CSGALNACT1: variants seen among roughly 807,000 people sequenced by gnomAD.
CSGALNACT1 encodes beta4GalNAcT-1.
In CSGALNACT1, 52 loss-of-function variants were observed where a neutral mutation model predicts 51.0. That is an observed-to-expected ratio of 1.02 (90% CI 0.82 to 1.29). The LOEUF (loss-of-function observed/expected upper bound fraction) is 1.29, where lower values mean the gene tolerates loss of function less well. Ranked by LOEUF, CSGALNACT1 falls within the 50% of genes most tolerant of loss-of-function variation. The pLI is 0.00. For synonymous variants in CSGALNACT1, 341 were observed against 254.4 expected (o/e 1.34, Z -3.24); for missense variants, 935 against 679.2 (o/e 1.38, Z -4.19).
chr8:19,522,732 T>C (rs1323065563), intron 3 of CSGALNACT1, among the ~76,000 whole-genome samples: 1 of 152,176 alleles, frequency 6.6e-6, no homozygotes, highest in Non-Finnish European at 1.5e-5. Context: ...GGGAGAAATC[T>C]CAAAACCTCC....
At chr8:19,548,368 A>G (rs776508446) in intron 3 of CSGALNACT1, among the ~76,000 whole-genome samples, 14 of 152,240 alleles carry the variant, frequency 9.2e-5, no homozygotes, top group African/African-American at 3.1e-4. Flanking sequence ...CAAACCAACC[A>G]TGACTCTAAA....
chr8:19,428,822 GAT>G (rs201258166), intron 6 of CSGALNACT1, among the ~76,000 whole-genome samples: 16 of 59,966 alleles, frequency 2.7e-4, no homozygotes, highest in Non-Finnish European at 3.3e-4. Context: ...CATAAGACAT[GAT>G]ATGTGTGTGT....
At chr8:19,604,680 G>A (rs1228467485), upstream of CSGALNACT1, among the ~76,000 whole-genome samples, 2 of 151,262 alleles carry the variant, frequency 1.3e-5, no homozygotes, top group Non-Finnish European at 2.9e-5. Flanking sequence ...GGCCGAGGCG[G>A]GCAGATCACA....
Position 19,579,588 on chromosome 8 carries a change from C to T in CSGALNACT1, c.-297+11572G>A, listed in dbSNP as rs570126316. On this transcript the variant is annotated intron_variant, in intron 3 of 9. Coordinates refer to ENST00000454498, the Ensembl canonical transcript of CSGALNACT1. ...GAGACGGACACATAGGTATTTGTCT[C>T]TACCATACTATAAGATCCTCAGCCA... is the stretch of plus-strand genomic sequence containing the variant. 3.3e-5 allele frequency among the ~76,000 whole-genome samples: 5 copies of T among 152,314 alleles called. No homozygotes were observed. In the South Asian group the frequency reaches 1.0e-3, roughly 32 times the overall value.
chr8:19,406,516 G>T (rs56841087), intron 9 of CSGALNACT1, among the ~76,000 whole-genome samples: 1 of 149,336 alleles, frequency 6.7e-6, no homozygotes, highest in African/African-American at 2.5e-5. Flanking sequence ...TTGAAATGAT[G>T]GATACCTCCC....
At chr8:19,698,083 G>T (rs1348602416) in intron 1 of CSGALNACT1, among the ~76,000 whole-genome samples, 2 of 152,190 alleles carry the variant, frequency 1.3e-5, no homozygotes, top group Non-Finnish European at 2.9e-5. Context: ...GCTGAAGAGT[G>T]AATGGGAAGT....
At chr8:19,567,184 A>C (rs1269092190) in intron 3 of CSGALNACT1, among the ~76,000 whole-genome samples, 1 of 152,164 alleles carries the variant, frequency 6.6e-6, no homozygotes, top group Non-Finnish European at 1.5e-5. Context: ...AAATGGCAAA[A>C]CAAAAACCCC....
At chr8:19,581,595 G>T (rs2045583207) in intron 3 of CSGALNACT1, among the ~76,000 whole-genome samples, 1 of 152,106 alleles carries the variant, frequency 6.6e-6, no homozygotes, top group African/African-American at 2.4e-5. Context: ...GACAGAGTGA[G>T]ACTCTGTCTA....
chr8:19,619,191 T>A (rs1300599053), intron 1 of CSGALNACT1, among the ~76,000 whole-genome samples: 1 of 133,654 alleles, frequency 7.5e-6, no homozygotes, highest in Admixed American at 9.7e-5. Context: ...GAAGGGCAGG[T>A]AGGAGTGCAG....
chr8:19,539,900 T>G (rs1451679731), intron 3 of CSGALNACT1, among the ~76,000 whole-genome samples: 1 of 152,034 alleles, frequency 6.6e-6, no homozygotes, highest in Non-Finnish European at 1.5e-5. Context: ...ACCTATGAGG[T>G]AGCCTGGAAA....
At chr8:19,660,306 GAGTTAC>G (rs932522592) in intron 1 of CSGALNACT1, among the ~76,000 whole-genome samples, 1 of 152,214 alleles carries the variant, frequency 6.6e-6, no homozygotes, top group Non-Finnish European at 1.5e-5. Context: ...AGACAAACTT[GAGTTAC>G]AGTCCAAGAT....
chr8:19,661,898 T>G (rs1169467919), intron 1 of CSGALNACT1, among the ~76,000 whole-genome samples: 1 of 152,150 alleles, frequency 6.6e-6, no homozygotes, highest in Admixed American at 6.5e-5. Flanking sequence ...CCTCAACTTA[T>G]TTTGACCAAG....
chr8:19,442,498 C>G (rs1255790723), intron 5 of CSGALNACT1, among the ~76,000 whole-genome samples: 1 of 147,486 alleles, frequency 6.8e-6, no homozygotes, highest in East Asian at 2.0e-4. Flanking sequence ...CATGTTCTCA[C>G]TCATAGGTGG....
intron 1 of CSGALNACT1, among the ~76,000 whole-genome samples, chr8:19,743,577 G>T (rs747524586): frequency 6.6e-6 from 1 of 152,204 alleles, no homozygotes; most frequent in Non-Finnish European, 1.5e-5. Flanking sequence ...AGTTGAGAAA[G>T]TAAGTAAGGG....
intron 5 of CSGALNACT1, among the ~76,000 whole-genome samples, chr8:19,440,209 G>C (rs543363378): frequency 1.3e-5 from 2 of 152,256 alleles, no homozygotes; most frequent in East Asian, 3.9e-4. Context: ...CTAGCCCACC[G>C]GGCCTAGACA....
chr8:19,650,442 C>A (rs1239801678), intron 1 of CSGALNACT1, among the ~76,000 whole-genome samples: 2 of 152,218 alleles, frequency 1.3e-5, no homozygotes, highest in East Asian at 3.9e-4. Context: ...TGAGAGAACA[C>A]CTAGTAATTA....
At chr8:19,535,914 G>C (rs1038510943) in intron 3 of CSGALNACT1, among the ~76,000 whole-genome samples, 1 of 151,968 alleles carries the variant, frequency 6.6e-6, no homozygotes, top group African/African-American at 2.4e-5. Flanking sequence ...TTTCAGACTG[G>C]GAACAAAGCA....
intron 4 of CSGALNACT1, among the ~76,000 whole-genome samples, chr8:19,460,110 T>TAC (rs900747263): frequency 1.1e-4 from 16 of 144,934 alleles, no homozygotes; most frequent in Admixed American, 3.3e-4. Context: ...CACACACACA[T>TAC]ACACACACAC....
At chr8:19,456,225 T>C (rs1206455223) in intron 5 of CSGALNACT1, among the ~76,000 whole-genome samples, 1 of 152,206 alleles carries the variant, frequency 6.6e-6, no homozygotes, top group African/African-American at 2.4e-5. Flanking sequence ...TGTTCATATA[T>C]ACCCAAGAGA....
Sources: allele counts gnomAD v4.1 joint callset (sites outside exome capture counted in the v4.1 genomes callset), GRCh38; gene constraint gnomAD v4.1.1; transcripts MANE v1.5; gene names NCBI Gene and HGNC (gene_info 2026-07-23, HGNC 2026-07-21).